Variants in PDIK1L observed in about 807,000 individuals in gnomAD.
PDIK1L encodes serine/threonine-protein kinase PDIK1L.
A neutral mutation model predicts 27.1 loss-of-function variants in PDIK1L; 9 were observed. The observed-to-expected ratio is 0.33, with a 90% CI of 0.20 to 0.58. The LOEUF (loss-of-function observed/expected upper bound fraction) is 0.58, where lower values mean the gene tolerates loss of function less well. Among genes scored for constraint, PDIK1L ranks in the 20% least tolerant of loss-of-function variants. The pLI, the probability that PDIK1L is intolerant of heterozygous loss-of-function variation, is 0.86. For synonymous variants in PDIK1L, 130 were observed against 141.7 expected, an observed-to-expected ratio of 0.92 and a Z score of 0.59; for missense variants, 216 against 413.2, an observed-to-expected ratio of 0.52 and a Z score of 4.14.
At chr1:26,111,637 G>T (rs1040725539), upstream of PDIK1L, among the ~76,000 whole-genome samples, 5 of 151,478 alleles carry the variant, frequency 3.3e-5, no homozygotes, top group Admixed American at 6.6e-5. The surrounding 1 kb of genome is among the most constrained non-coding windows in gnomAD (Gnocchi z 4.0). Flanking sequence ...TCCGGAGCGC[G>T]CACACCTCCG....
chr1:26,114,270 A>T lies in PDIK1L; in HGVS notation c.-17-22A>T, dbSNP rs775101169. On this transcript the variant is annotated intron_variant, in intron 1 of 2. Coordinates refer to ENST00000374269, the MANE Select transcript of PDIK1L (RefSeq NM_152835.5). The surrounding 1 kb of genome is among the most constrained non-coding windows in gnomAD (Gnocchi z 4.8). Reference sequence around the variant, plus strand: ...CAGTAGGTATACATAATTTCAACAGAGCACTTTGTTGATTTTTCCAGAAAC... The same window carrying T: ...CAGTAGGTATACATAATTTCAACAGTGCACTTTGTTGATTTTTCCAGAAAC... 4.4e-6 allele frequency: 7 copies of T among 1,582,960 alleles called. No individual in the cohort carries two copies. The Admixed American group carries it at 1.1e-4, about 24-fold the overall frequency.
intron 1 of PDIK1L, chr1:26,112,618 T>G (rs1226376453): frequency 1.3e-5 from 2 of 152,254 alleles, no homozygotes; most frequent in Non-Finnish European, 2.9e-5. Context: ...GGCAGGAAAT[T>G]AGACACTAGG....
chr1:26,111,677 G>A (rs1569795500), upstream of PDIK1L, among the ~76,000 whole-genome samples: 1 of 151,678 alleles, frequency 6.6e-6, no homozygotes, highest in African/African-American at 2.4e-5. The surrounding 1 kb of genome is among the most constrained non-coding windows in gnomAD (Gnocchi z 4.0). Flanking sequence ...ATCCTCGAGA[G>A]AGGGAGGAGG....
At chr1:26,117,015 C>CT (rs60381058) in intron 2 of PDIK1L, among the ~76,000 whole-genome samples, 1,661 of 103,564 alleles carry the variant, frequency 0.016, 114 homozygotes, top group East Asian at 0.067. Context: ...TGCGCCCAAC[C>CT]TTTTTTTTTT....
chr1:26,118,715 T>C (rs994127508), intron 2 of PDIK1L, among the ~76,000 whole-genome samples: 25 of 152,362 alleles, frequency 1.6e-4, no homozygotes, highest in African/African-American at 4.8e-4. Flanking sequence ...TTGCCCTTTC[T>C]GTGGATTCGT....
rs1040203204 is a variant in PDIK1L at position 26,123,143 on chromosome 1, C to G, written c.*566C>G. On this transcript the variant is annotated 3_prime_UTR_variant, in exon 3 of 3. Coordinates refer to ENST00000374269, the MANE Select transcript of PDIK1L (RefSeq NM_152835.5). ...ATAAACCTTCCCTTATCTTCCTACT[C>G]TGCCCCTCCCCCTAATGAAATCATA... 6.7e-5 allele frequency: 10 copies of G among 149,960 alleles called. No individual in the cohort carries two copies. The highest frequency in any genetic ancestry group is 2.2e-4 in the African/African-American group (9 of 40,678). 9.3% of individuals were successfully genotyped at this position (149,960 alleles called of 1,614,324 possible). A position where few individuals can be genotyped will look rare whatever the true frequency, so the allele number is the denominator to read the frequency against.
chr1:26,114,255 A>C lies in PDIK1L; in HGVS notation c.-17-37A>C. ...AGAAGAAATACAAGCCAGTAGGTATACATAATTTCAACAGAGCACTTTGTT... is the reference window on the plus strand; with the variant it reads ...AGAAGAAATACAAGCCAGTAGGTATCCATAATTTCAACAGAGCACTTTGTT... On this transcript the variant is annotated intron_variant, in intron 1 of 2. Coordinates refer to ENST00000374269, the MANE Select transcript of PDIK1L (RefSeq NM_152835.5). The surrounding 1 kb of genome is among the most constrained non-coding windows in gnomAD (Gnocchi z 4.8). The C allele has an allele frequency of 6.5e-7, 1 of 1,542,510 alleles. No individual in the cohort carries two copies.
At chr1:26,115,320 C>CA in intron 2 of PDIK1L, among the ~76,000 whole-genome samples, 1 of 152,358 alleles carries the variant, frequency 6.6e-6, no homozygotes, top group African/African-American at 2.4e-5. Flanking sequence ...CTGAGAATGA[C>CA]AGCTGAAGCT....
At chr1:26,121,439 G>A (rs779499978) in intron 2 of PDIK1L, among the ~76,000 whole-genome samples, 10 of 152,158 alleles carry the variant, frequency 6.6e-5, no homozygotes, top group East Asian at 5.8e-4. Flanking sequence ...ATTGAATAGC[G>A]TTTCCTAATT....
chr1:26,113,474 A>G (rs558617443), intron 1 of PDIK1L, among the ~76,000 whole-genome samples: 7 of 148,408 alleles, frequency 4.7e-5, no homozygotes, highest in Admixed American at 1.4e-4. Flanking sequence ...CCTGGGAGAC[A>G]GAGCGAGAGA....
At chr1:26,113,272 G>A (rs1199666631) in intron 1 of PDIK1L, among the ~76,000 whole-genome samples, 2 of 152,018 alleles carry the variant, frequency 1.3e-5, no homozygotes, top group Non-Finnish European at 2.9e-5. Context: ...GGCGGATCAC[G>A]AGGTCAGGTG....
rs113573441 is a variant in PDIK1L at position 26,114,243 on chromosome 1, G to A, written c.-17-49G>A. On this transcript the variant is annotated intron_variant, in intron 1 of 2. Transcript: ENST00000374269. The surrounding 1 kb of genome is among the most constrained non-coding windows in gnomAD (Gnocchi z 4.8). ...AAATCATACATAAGAAGAAATACAAGCCAGTAGGTATACATAATTTCAACA... is the reference window on the plus strand; with the variant it reads ...AAATCATACATAAGAAGAAATACAAACCAGTAGGTATACATAATTTCAACA... 8.7e-6 allele frequency: 13 copies of A among 1,491,814 alleles called. No individual in the cohort carries two copies. The highest frequency in any genetic ancestry group is 1.0e-5 in the Non-Finnish European group (11 of 1,104,366). The allele number at this position is 1,491,814 out of a possible 1,614,324, so 92.4% of individuals were successfully genotyped here.
At chr1:26,112,096 C>T (rs1432238557) in intron 1 of PDIK1L, among the ~76,000 whole-genome samples, 181 bp downstream of exon 1, 1 of 152,210 alleles carries the variant, frequency 6.6e-6, no homozygotes, top group Non-Finnish European at 1.5e-5. Flanking sequence ...GCCACCTCCC[C>T]CCGGCCCTCA....
In PDIK1L at chr1:26,114,862, G is replaced by A. The variant is rs997609996; in HGVS notation, c.285+269G>A. Among the ~76,000 whole-genome samples, 4 of 152,230 alleles carry A rather than the reference G, an allele frequency of 2.6e-5. No homozygotes were observed. The highest frequency in any genetic ancestry group is 9.6e-5 in the African/African-American group (4 of 41,460). ...TAGGAATGGGGCAAGATAGGAACTA[G>A]AGAGGTGCTTGAGACTACAGTCTAA... On this transcript the variant is annotated intron_variant, in intron 2 of 2. Coordinates refer to ENST00000374269, the MANE Select transcript of PDIK1L (RefSeq NM_152835.5). The surrounding 1 kb of genome is among the most constrained non-coding windows in gnomAD (Gnocchi z 4.8).
At chr1:26,121,752 AC>A (rs1384273890) in intron 2 of PDIK1L, 84 bp from the exon 3 acceptor site, 2 of 1,372,312 alleles carry the variant, frequency 1.5e-6, no homozygotes, top group Non-Finnish European at 2.0e-6. Context: ...GTGGAGACTG[AC>A]TTAACCTTTC....
intron 1 of PDIK1L, among the ~76,000 whole-genome samples, chr1:26,112,984 G>C (rs1221757770): frequency 6.6e-6 from 1 of 152,214 alleles, no homozygotes; most frequent in African/African-American, 2.4e-5. Context: ...AAACCGTTCA[G>C]TAAGTTGAAT....
intron 2 of PDIK1L, among the ~76,000 whole-genome samples, chr1:26,120,239 A>G (rs1360307744): frequency 1.3e-5 from 2 of 152,198 alleles, no homozygotes; most frequent in African/African-American, 4.8e-5. Context: ...AATATTTACT[A>G]TCTGGCCTTA....
At chr1:26,113,367 C>T (rs1267645869) in intron 1 of PDIK1L, among the ~76,000 whole-genome samples, 2 of 151,870 alleles carry the variant, frequency 1.3e-5, no homozygotes, top group Admixed American at 1.3e-4. Context: ...TGGCAGGCGC[C>T]TATAGTCCCA....
At chr1:26,121,073 CTG>C (rs765234177) in intron 2 of PDIK1L, among the ~76,000 whole-genome samples, 1 of 151,008 alleles carries the variant, frequency 6.6e-6, no homozygotes, top group African/African-American at 2.4e-5. Flanking sequence ...ACAAATAAAA[CTG>C]TGATTTAGTC....
Sources: gnomAD v4.1 joint callset for allele counts (sites outside exome capture counted in the v4.1 genomes callset) on GRCh38, gnomAD v4.1.1 for gene constraint, Gnocchi (gnomAD v3.1) non-coding constraint, MANE v1.5 for transcripts, NCBI Gene and HGNC (gene_info 2026-07-23, HGNC 2026-07-21) for gene names.